CA10: variants seen among roughly 807,000 people sequenced by gnomAD.
The protein encoded by CA10 is carbonic anhydrase-related protein 10.
Under a neutral mutation model 44.2 loss-of-function variants are expected in CA10, and 14 were observed. The observed-to-expected ratio is 0.32, with a 90% CI of 0.21 to 0.50. CA10 has a LOEUF of 0.50. CA10 is among the 20% of genes least tolerant of loss of function. The probability of loss-of-function intolerance (pLI) is 0.99; values close to 1 mark genes in which losing one functional copy is unlikely to be tolerated. For missense variants in CA10, 350 were observed against 409.7 expected (o/e 0.85, Z 1.26); for synonymous variants, 159 against 141.6 (o/e 1.12, Z -0.87).
chr17:51,800,469 T>G (rs1378563212), intron 3 of CA10, among the ~76,000 whole-genome samples: 4 of 152,090 alleles, frequency 2.6e-5, no homozygotes, highest in African/African-American at 9.7e-5. Context: ...ATTATACACC[T>G]GAAATGGAAG....
intron 1 of CA10, among the ~76,000 whole-genome samples, chr17:52,089,359 G>A (rs1397069900): frequency 6.6e-6 from 1 of 152,014 alleles, no homozygotes; most frequent in African/African-American, 2.4e-5. Flanking sequence ...GACTTGAGTT[G>A]GATTCCAAGG....
chr17:51,663,598 C>T (rs950551816), intron 4 of CA10, among the ~76,000 whole-genome samples: 4 of 152,152 alleles, frequency 2.6e-5, no homozygotes, highest in East Asian at 3.8e-4. Flanking sequence ...CTCAAATAAT[C>T]GTGCTGATTA....
intron 3 of CA10, among the ~76,000 whole-genome samples, chr17:51,882,939 T>C (rs1456617805): frequency 2.0e-5 from 3 of 152,192 alleles, no homozygotes; most frequent in Non-Finnish European, 4.4e-5. Flanking sequence ...CCAACAGATA[T>C]AATCCTGGCT....
chr17:51,745,556 G>A (rs1027161550), intron 4 of CA10, among the ~76,000 whole-genome samples: 3 of 149,214 alleles, frequency 2.0e-5, no homozygotes, highest in East Asian at 2.0e-4. Flanking sequence ...TCTGGTGTAG[G>A]TCTAGGAAAA....
intron 3 of CA10, chr17:51,762,153 G>A (rs982596072): frequency 1.3e-5 from 2 of 152,196 alleles, no homozygotes; most frequent in Non-Finnish European, 2.9e-5. Flanking sequence ...AAGAAACTGA[G>A]GCTCAGTGAG....
At chr17:51,862,044 C>G (rs2143842733) in intron 3 of CA10, among the ~76,000 whole-genome samples, 1 of 152,298 alleles carries the variant, frequency 6.6e-6, no homozygotes, top group African/African-American at 2.4e-5. Context: ...AATTCTCTTA[C>G]AGATAGAACC....
chr17:51,757,981 G>T lies in CA10; in HGVS notation c.280-10163C>A, dbSNP rs1473576260. On this transcript the variant is annotated intron_variant, in intron 3 of 8. Coordinates refer to ENST00000451037, the MANE Select transcript of CA10 (RefSeq NM_020178.5). ...GTAGGTAAATAAGAAAATGGAACCA[G>T]ACTGGAGCGATCTGCTTCGAGTTAC... is the stretch of plus-strand genomic sequence containing the variant. 2.0e-5 allele frequency among the ~76,000 whole-genome samples: 3 copies of T among 152,302 alleles called. No individual in the cohort carries two copies. In the East Asian group the frequency reaches 5.8e-4, roughly 29 times the overall value.
At chr17:52,056,358 A>G (rs1945826658) in intron 2 of CA10, among the ~76,000 whole-genome samples, 2 of 152,170 alleles carry the variant, frequency 1.3e-5, no homozygotes, top group South Asian at 4.1e-4. Flanking sequence ...GCGTCTATTC[A>G]TAAGAAGTCA....
intron 2 of CA10, among the ~76,000 whole-genome samples, chr17:52,038,489 A>G (rs1986679538): frequency 6.6e-6 from 1 of 152,210 alleles, no homozygotes; most frequent in Non-Finnish European, 1.5e-5. Context: ...ATTAGAATAC[A>G]GAAGACTAAA....
At chr17:51,833,947 G>A (rs533241493) in intron 3 of CA10, among the ~76,000 whole-genome samples, 1 of 152,334 alleles carries the variant, frequency 6.6e-6, no homozygotes, top group South Asian at 2.1e-4. Context: ...GAAGCCACTG[G>A]AGGCACTGTA....
At chr17:52,078,952 C>A (rs1355498735) in intron 1 of CA10, among the ~76,000 whole-genome samples, 1 of 152,180 alleles carries the variant, frequency 6.6e-6, no homozygotes, top group African/African-American at 2.4e-5. Flanking sequence ...TTCCACCTAA[C>A]CGTAACCTTC....
rs960690538 is a variant in CA10 at position 52,111,695 on chromosome 17, T to C, written c.62-39302A>G. 8.5e-5 allele frequency among the ~76,000 whole-genome samples: 13 copies of C among 152,292 alleles called. No homozygotes were observed. The East Asian group carries it at 2.5e-3, about 29-fold the overall frequency. On this transcript the variant is annotated intron_variant, in intron 1 of 8. Coordinates refer to ENST00000451037, the MANE Select transcript of CA10 (RefSeq NM_020178.5). The stretch of plus-strand genomic sequence containing the variant: ...GTCATCAGTAGGAATGGAGGAAAGC[T>C]TTTTGTAAATCACAAGGTGATTTAT...
At chr17:52,022,319 G>A (rs1190568333) in intron 2 of CA10, among the ~76,000 whole-genome samples, 1 of 152,074 alleles carries the variant, frequency 6.6e-6, no homozygotes, top group Non-Finnish European at 1.5e-5. Context: ...ATCAGTAAAT[G>A]TGATTCACGA....
At chr17:52,113,372 A>G (rs1265940114) in intron 1 of CA10, among the ~76,000 whole-genome samples, 1 of 152,116 alleles carries the variant, frequency 6.6e-6, no homozygotes, top group Admixed American at 6.5e-5. Context: ...CGGCCAGGTT[A>G]ATAATAAAAA....
chr17:51,728,146 T>C (rs1301991270), intron 4 of CA10, among the ~76,000 whole-genome samples: 1 of 152,158 alleles, frequency 6.6e-6, no homozygotes, highest in Non-Finnish European at 1.5e-5. Flanking sequence ...TGCCTTAGCC[T>C]CCAAAATTTC....
At chr17:51,990,631 C>T (rs1485821003) in intron 2 of CA10, among the ~76,000 whole-genome samples, 1 of 152,072 alleles carries the variant, frequency 6.6e-6, no homozygotes, top group Non-Finnish European at 1.5e-5. Flanking sequence ...TTTTCAGATT[C>T]TCTTTTCATT....
intron 4 of CA10, among the ~76,000 whole-genome samples, chr17:51,668,745 C>T (rs1463103420): frequency 6.6e-6 from 1 of 152,200 alleles, no homozygotes; most frequent in African/African-American, 2.4e-5. Context: ...CCAGAGCCAG[C>T]TCCCTCTGCT....
At chr17:51,904,802 C>T (rs1235655163) in intron 3 of CA10, among the ~76,000 whole-genome samples, 3 of 152,120 alleles carry the variant, frequency 2.0e-5, no homozygotes, top group African/African-American at 4.8e-5. Flanking sequence ...TCATGCCTAT[C>T]GGAGGCAATG....
At chr17:51,982,715 C>A (rs780366721) in intron 2 of CA10, among the ~76,000 whole-genome samples, 4 of 151,876 alleles carry the variant, frequency 2.6e-5, no homozygotes, top group Admixed American at 1.3e-4. Flanking sequence ...ATACCACAAC[C>A]TTTTCCCAAT....
Sources: allele counts gnomAD v4.1 joint callset (sites outside exome capture counted in the v4.1 genomes callset), GRCh38; gene constraint gnomAD v4.1.1; transcripts MANE v1.5; gene names NCBI Gene and HGNC (gene_info 2026-07-23, HGNC 2026-07-21).